The following EFL1 variants were observed in gnomAD, a reference collection of about 807,000 sequenced individuals.
EFL1 encodes the protein elongation factor like GTPase 1, also known as elongation factor-like GTPase 1.
EFL1 carries 76 observed loss-of-function variants against 126.7 expected under a neutral mutation model. The observed-to-expected ratio is 0.60, with a 90% CI of 0.50 to 0.73. The LOEUF (loss-of-function observed/expected upper bound fraction) is 0.73, where lower values mean the gene tolerates loss of function less well. Ranked by LOEUF, EFL1 falls within the 30% of genes least tolerant of loss-of-function variation. EFL1 has a pLI of 0.00. For synonymous variants in EFL1, 410 were observed against 448.4 expected (o/e 0.91, Z 1.08); for missense variants, 1,128 against 1,343.2 (o/e 0.84, Z 2.50).
At chr15:82,206,353 A>G (rs980724502) in intron 15 of EFL1, among the ~76,000 whole-genome samples, 6 of 152,180 alleles carry the variant, frequency 3.9e-5, no homozygotes, top group African/African-American at 9.6e-5. Context: ...GAAAGATACA[A>G]TGTAACAAGT....
chr15:82,162,194 G>A lies in EFL1; in HGVS notation c.1882+1659C>T, dbSNP rs536271778. 1.8e-4 allele frequency among the ~76,000 whole-genome samples: 28 copies of A among 152,182 alleles called. No homozygotes were observed. The South Asian group carries it at 4.8e-3, about 26-fold the overall frequency. On this transcript the variant is annotated intron_variant, in intron 16 of 19. Transcript: ENST00000268206. ...TGGGAGGCTGAGGCAGGAGGATCTC[G>A]TGAGCCCAGGAGGTCAAGGCTGCAG...
chr15:82,169,740 A>G (rs568500699), intron 15 of EFL1, among the ~76,000 whole-genome samples: 48 of 152,200 alleles, frequency 3.2e-4, no homozygotes, highest in African/African-American at 1.1e-3. Flanking sequence ...AAAGCTCAGG[A>G]AGCTGTGCTT....
intron 18 of EFL1, 128 bp downstream of exon 18, chr15:82,151,337 G>A (rs879488531): frequency 9.1e-6 from 8 of 879,406 alleles, no homozygotes; most frequent in Admixed American, 4.7e-5. Flanking sequence ...GCAGTGAGCC[G>A]AGATTGTGCC....
intron 15 of EFL1, among the ~76,000 whole-genome samples, chr15:82,196,739 T>A (rs1168321619): frequency 6.6e-6 from 1 of 152,216 alleles, no homozygotes; most frequent in African/African-American, 2.4e-5. Flanking sequence ...AGTGCATTAA[T>A]AATTGTGGCT....
chr15:82,188,360 CCT>C (rs2074323362), intron 15 of EFL1, among the ~76,000 whole-genome samples: 1 of 151,806 alleles, frequency 6.6e-6, no homozygotes, highest in South Asian at 2.1e-4. Context: ...TATCTTTTTT[CCT>C]CTTAGTTTTT....
Position 82,252,696 on chromosome 15 carries a change from G to A in EFL1, c.239C>T (p.Ala80Val). The A allele has an allele frequency of 6.2e-7, 1 of 1,611,444 alleles. No individual in the cohort carries two copies. Among genetic ancestry groups the A allele is most frequent in the Non-Finnish European group, 8.5e-7 (1 of 1,177,674 alleles). ...MKSSAISLHY[A>V]TGNEEYLINL... ...TAAAACACAGACTGATTTACCTGTT[G>A]CATAATGTAGGGAAATGGCACTGGA... Residue 80 changes from alanine to valine, a missense_variant, in exon 4 of 20, where the codon GCA becomes GTA. This residue lies in a region of EFL1 where 118 missense variants were observed against 188.1 expected (regional missense o/e 0.63). Transcript: ENST00000268206.
intron 15 of EFL1, among the ~76,000 whole-genome samples, chr15:82,196,149 G>C (rs1229943087): frequency 6.6e-6 from 1 of 152,100 alleles, no homozygotes; most frequent in African/African-American, 2.4e-5. Context: ...GACAGTGAAG[G>C]GTCTCTTTCC....
In EFL1 at chr15:82,151,623, T is replaced by C. The variant is rs1217306706; in HGVS notation, c.2831A>G (p.Gln944Arg). The C allele has an allele frequency of 6.2e-7, 1 of 1,614,186 alleles. No individual in the cohort carries two copies. The highest frequency in any genetic ancestry group is 1.7e-5 in the Admixed American group (1 of 60,026). Residue 944 changes from glutamine (Q) to arginine (R), a missense_variant, in exon 18 of 20, where the codon CAG becomes CGG. Around this residue, in one of 6 missense-constraint regions of EFL1, gnomAD observed 561 missense variants for 641.7 expected, o/e 0.87. Transcript: ENST00000268206. ...GTCAGTGAGTGGAGATTCTCCTTTCTGTGATGTCCTCTTCTCAAAGGCCTC... is the reference window on the plus strand; with the variant it reads ...GTCAGTGAGTGGAGATTCTCCTTTCCGTGATGTCCTCTTCTCAAAGGCCTC... ...CSEAFEKRTS[Q>R]KGESPLTDCY...
chr15:82,176,443 C>T (rs1366490361), intron 15 of EFL1, among the ~76,000 whole-genome samples: 5 of 152,112 alleles, frequency 3.3e-5, no homozygotes, highest in Non-Finnish European at 7.4e-5. Context: ...TATACCCATC[C>T]AGGGACTTTT....
At chr15:82,169,489 CAA>C (rs2074111898) in intron 15 of EFL1, among the ~76,000 whole-genome samples, 1 of 152,038 alleles carries the variant, frequency 6.6e-6, no homozygotes, top group Non-Finnish European at 1.5e-5. Context: ...AAGAAGGAAA[CAA>C]GAATAAAATC....
intron 18 of EFL1, among the ~76,000 whole-genome samples, chr15:82,141,136 TCTC>T (rs1250737687): frequency 1.3e-5 from 2 of 152,106 alleles, no homozygotes; most frequent in African/African-American, 4.8e-5. Flanking sequence ...TCGTGGCCAC[TCTC>T]CTACTTGAAC....
At chr15:82,138,628 G>T in intron 19 of EFL1, 30 bp downstream of exon 19, 1 of 1,607,990 alleles carries the variant, frequency 6.2e-7, no homozygotes, top group Non-Finnish European at 8.5e-7. Flanking sequence ...AGATGAGAAG[G>T]AAGGAATGAA....
At chr15:82,148,638 G>A (rs532799935) in intron 18 of EFL1, among the ~76,000 whole-genome samples, 38 of 152,206 alleles carry the variant, frequency 2.5e-4, no homozygotes, top group African/African-American at 4.8e-4. Context: ...TGAAGTTCAC[G>A]GTAGCTCAGC....
intron 18 of EFL1, among the ~76,000 whole-genome samples, chr15:82,147,313 C>A (rs2073857761): frequency 6.6e-6 from 1 of 152,032 alleles, no homozygotes; most frequent in African/African-American, 2.4e-5. Flanking sequence ...AGGCACAGAC[C>A]TATGCGGGCC....
intron 15 of EFL1, among the ~76,000 whole-genome samples, chr15:82,191,750 G>A (rs897181579): frequency 1.3e-5 from 2 of 152,130 alleles, no homozygotes; most frequent in African/African-American, 4.8e-5. Context: ...GGGCCATCAT[G>A]CTCACTTTCT....
intron 7 of EFL1, among the ~76,000 whole-genome samples, chr15:82,232,700 A>G (rs1483158174): frequency 6.6e-6 from 1 of 152,234 alleles, no homozygotes; most frequent in Non-Finnish European, 1.5e-5. Flanking sequence ...AATCTGAGCT[A>G]AAGCTTTGGT....
intron 15 of EFL1, among the ~76,000 whole-genome samples, chr15:82,212,009 C>T (rs959710382): frequency 1.3e-5 from 2 of 152,108 alleles, no homozygotes; most frequent in Non-Finnish European, 2.9e-5. Context: ...TTTTAAGCCA[C>T]TGGGAAACTG....
In EFL1 at chr15:82,238,513, C is replaced by A; in HGVS notation, c.525G>T (p.Ala175=). The A allele has an allele frequency of 6.2e-7, 1 of 1,609,426 alleles. No individual in the cohort carries two copies. Among genetic ancestry groups the A allele is most frequent in the Non-Finnish European group, 8.5e-7 (1 of 1,177,506 alleles). Reference sequence around the variant, plus strand: ...TAGAAGTAAAAAGAGTCCCTGTGAGCGCATTAATCTAGGAGAGATGGTGAA... The same window carrying A: ...TAGAAGTAAAAAGAGTCCCTGTGAGAGCATTAATCTAGGAGAGATGGTGAA... ...HLKNILEQIN[A]LTGTLFTSKV... The change falls in exon 7 of 20, where the codon GCG becomes GCT. Residue 175 remains alanine, a synonymous_variant. Transcript: ENST00000268206.
chr15:82,146,529 AAG>A (rs1332059568), intron 18 of EFL1, among the ~76,000 whole-genome samples: 1 of 152,134 alleles, frequency 6.6e-6, no homozygotes, highest in African/African-American at 2.4e-5. Flanking sequence ...ATCAATATAA[AAG>A]AGTCCCTCAA....
Sources: allele counts gnomAD v4.1 joint callset (sites outside exome capture counted in the v4.1 genomes callset), GRCh38; gene constraint gnomAD v4.1.1; regional missense constraint gnomAD v4.1.1; transcripts MANE v1.5; gene names NCBI Gene and HGNC (gene_info 2026-07-23, HGNC 2026-07-21).